Variants in ANO3 observed in about 807,000 individuals in gnomAD.
The protein encoded by ANO3 is anoctamin-3.
ANO3 carries 99 observed loss-of-function variants against 144.8 expected under a neutral mutation model. That is an observed-to-expected ratio of 0.68 (90% confidence interval 0.58 to 0.81). The LOEUF (loss-of-function observed/expected upper bound fraction) is 0.81. Ranked by LOEUF, ANO3 falls within the 30% of genes least tolerant of loss-of-function variation. The pLI, the probability that ANO3 is intolerant of heterozygous loss-of-function variation, is 0.00. For missense variants in ANO3, 905 were observed against 1,202.2 expected, an observed-to-expected ratio of 0.75 and a Z score of 3.66; for synonymous variants, 414 against 392.6, an observed-to-expected ratio of 1.05 and a Z score of -0.64.
intron 1 of ANO3, among the ~76,000 whole-genome samples, chr11:26,242,436 A>G (rs1852683133): frequency 6.6e-6 from 1 of 152,152 alleles, no homozygotes; most frequent in Non-Finnish European, 1.5e-5. Context: ...CCCGTTATGA[A>G]ATATTTCCCT....
intron 25 of ANO3, 80 bp downstream of exon 25, chr11:26,656,285 C>CTGT: frequency 6.7e-7 from 1 of 1,486,180 alleles, no homozygotes; most frequent in Non-Finnish European, 9.4e-7. Flanking sequence ...GACATTTAAA[C>CTGT]TGTTATTTTG....
chr11:26,233,994 C>CG (rs34117140), intron 1 of ANO3, among the ~76,000 whole-genome samples: 3 of 151,652 alleles, frequency 2.0e-5, no homozygotes, highest in African/African-American at 4.8e-5. Flanking sequence ...CTAATGTATG[C>CG]GGGGGGCTGA....
At chr11:26,470,434 A>G (rs1205687022) in intron 4 of ANO3, among the ~76,000 whole-genome samples, 1 of 151,690 alleles carries the variant, frequency 6.6e-6, no homozygotes, top group Non-Finnish European at 1.5e-5. Flanking sequence ...AACAGAAAAA[A>G]AAAAAAGCAA....
intron 20 of ANO3, among the ~76,000 whole-genome samples, chr11:26,638,176 A>C (rs1214839976): frequency 1.3e-5 from 2 of 152,186 alleles, no homozygotes; most frequent in African/African-American, 4.8e-5. Flanking sequence ...CACCATCTTG[A>C]GAATGGGCTA....
intron 1 of ANO3, among the ~76,000 whole-genome samples, chr11:26,345,444 C>T (rs1170095185): frequency 6.6e-6 from 1 of 152,080 alleles, no homozygotes; most frequent in African/African-American, 2.4e-5. Context: ...TCCCAGCTAC[C>T]TGGGAGGCTG....
chr11:26,550,565 T>C (rs753471235), intron 12 of ANO3, among the ~76,000 whole-genome samples: 1 of 152,176 alleles, frequency 6.6e-6, no homozygotes, highest in African/African-American at 2.4e-5. Flanking sequence ...CATAATTTCC[T>C]CTAGGTTTAT....
intron 21 of ANO3, among the ~76,000 whole-genome samples, chr11:26,641,513 AAGTATTTCTATAGGTGGGGAGAGG>A (rs1375527303): frequency 6.6e-6 from 1 of 152,174 alleles, no homozygotes; most frequent in Non-Finnish European, 1.5e-5. Context: ...AAAGAAGTTT[AAGTATTTCTATAGGTGGGGAGAGG>A]GGAAGGAATC....
At chr11:26,510,145 AAAAAAAAAGAG>A (rs1861605584) in intron 5 of ANO3, among the ~76,000 whole-genome samples, 2 of 146,930 alleles carry the variant, frequency 1.4e-5, no homozygotes, top group South Asian at 2.2e-4. Flanking sequence ...AAAAAAAAAA[AAAAAAAAAGAG>A]TAGAAAAGAA....
In ANO3 at chr11:26,352,016, G is replaced by C. The variant is rs541918522; in HGVS notation, c.46+19695G>C. 1.6e-3 allele frequency among the ~76,000 whole-genome samples: 240 copies of C among 152,308 alleles called. 2 individuals carry two copies. Among genetic ancestry groups the C allele is most frequent in the African/African-American group, 5.6e-3 (233 of 41,576 alleles). ...CATACGAAATAGAAATCCAGCTGGA[G>C]TTGGGATTTTTCATTGATCCTACTG... On this transcript the variant is annotated intron_variant, in intron 1 of 26. Transcript: ENST00000256737.
At chr11:26,645,919 T>G (rs1293027554) in intron 23 of ANO3, among the ~76,000 whole-genome samples, 3 of 152,136 alleles carry the variant, frequency 2.0e-5, no homozygotes, top group Non-Finnish European at 4.4e-5. Context: ...TTTAAAAAAC[T>G]TCCATTTCAG....
At chr11:26,218,595 C>T (rs1246464411) in intron 1 of ANO3, among the ~76,000 whole-genome samples, 1 of 151,960 alleles carries the variant, frequency 6.6e-6, no homozygotes, top group African/African-American at 2.4e-5. Flanking sequence ...TTAGCATTTG[C>T]CAAAGAGCTG....
intron 1 of ANO3, among the ~76,000 whole-genome samples, chr11:26,376,759 G>A (rs560312508): frequency 6.6e-6 from 1 of 152,236 alleles, no homozygotes; most frequent in South Asian, 2.1e-4. Flanking sequence ...TAAACGGCTA[G>A]CAATGAATTT....
chr11:26,376,225 C>G (rs1397788199), intron 1 of ANO3, among the ~76,000 whole-genome samples: 1 of 152,054 alleles, frequency 6.6e-6, no homozygotes, highest in Non-Finnish European at 1.5e-5. Flanking sequence ...TCAACAACAG[C>G]CTTCACTCAC....
chr11:26,591,468 A>C (rs926896233), intron 14 of ANO3, among the ~76,000 whole-genome samples: 3 of 152,172 alleles, frequency 2.0e-5, no homozygotes, highest in Admixed American at 1.3e-4. Flanking sequence ...TCTGGAAGAG[A>C]CATACTTAAC....
intron 4 of ANO3, among the ~76,000 whole-genome samples, chr11:26,490,938 A>T (rs74357607): frequency 0.015 from 2,242 of 152,230 alleles, 48 homozygotes; most frequent in African/African-American, 0.051. Flanking sequence ...TTATTCCTAC[A>T]CCATGGTGGT....
At chr11:26,331,418 C>T (rs141844958), upstream of ANO3, 3 of 152,132 alleles carry the variant, frequency 2.0e-5, no homozygotes, top group Non-Finnish European at 2.9e-5. Flanking sequence ...GTATCGGGTG[C>T]CTTCTCTTTC....
chr11:26,491,821 C>G (rs1484926740), intron 4 of ANO3, among the ~76,000 whole-genome samples: 1 of 152,008 alleles, frequency 6.6e-6, no homozygotes, highest in African/African-American at 2.4e-5. Context: ...GGATTTAAAG[C>G]AGCCCTATAA....
At chr11:26,405,799 C>T (rs563728307) in intron 1 of ANO3, among the ~76,000 whole-genome samples, 1 of 151,904 alleles carries the variant, frequency 6.6e-6, no homozygotes, top group African/African-American at 2.4e-5. Flanking sequence ...ATTCTCGGAC[C>T]CTTCCCTGAG....
intron 4 of ANO3, among the ~76,000 whole-genome samples, chr11:26,507,459 G>C (rs1861479793): frequency 6.6e-6 from 1 of 152,180 alleles, no homozygotes; most frequent in African/African-American, 2.4e-5. Context: ...AAAGTAAGCT[G>C]TTCTAGTTGG....
Sources: allele counts gnomAD v4.1 joint callset (sites outside exome capture counted in the v4.1 genomes callset), GRCh38; gene constraint gnomAD v4.1.1; transcripts MANE v1.5; gene names NCBI Gene and HGNC (gene_info 2026-07-23, HGNC 2026-07-21).